INSR: variants seen among roughly 807,000 people sequenced by gnomAD.
INSR encodes insulin receptor, also known as IR.
INSR carries 67 observed loss-of-function variants against 142.6 expected under a neutral mutation model. The ratio of observed to expected loss-of-function variants is 0.47; its 90% CI spans 0.39 to 0.58. INSR has a LOEUF of 0.58. INSR is among the 20% of genes least tolerant of loss of function. The pLI, the probability that INSR is intolerant of heterozygous loss-of-function variation, is 0.00. For synonymous variants in INSR, 756 were observed against 743.1 expected (o/e 1.02, Z -0.28); for missense variants, 1,248 against 1,833.2 (o/e 0.68, Z 5.83).
chr19:7,119,471 G>A lies in INSR; in HGVS notation c.3772C>T (p.Pro1258Ser). 6.2e-7 allele frequency: 1 copy of A among 1,614,140 alleles called. No individual in the cohort carries two copies. The highest frequency in any genetic ancestry group is 8.5e-7 in the Non-Finnish European group (1 of 1,180,022). Residue 1258 changes from proline (P) to serine (S), a missense_variant, in exon 21 of 22, where the codon CCC becomes TCC. By Grantham distance (74) the Pro-to-Ser change is moderately conservative. Transcript: ENST00000302850. This position sits in a 1 kb window ranked among gnomAD's most constrained non-coding sequence, Gnocchi z 5.2. ...FVMDGGYLDQ[P>S]DNCPERVTDL... The stretch of plus-strand genomic sequence containing the variant: ...TACACTCTCTCTGGACAGTTGTCGG[G>A]TTGATCCAGATACCCTCCATCCATG...
intron 2 of INSR, among the ~76,000 whole-genome samples, chr19:7,197,565 T>G (rs1974797102): frequency 1.5e-5 from 1 of 64,528 alleles, no homozygotes; most frequent in African/African-American, 6.6e-5. Context: ...AGAGTGGGAG[T>G]GTGTGTGTTT....
intron 2 of INSR, among the ~76,000 whole-genome samples, chr19:7,194,274 G>A (rs910162288): frequency 3.3e-5 from 5 of 151,926 alleles, no homozygotes; most frequent in African/African-American, 1.2e-4. Context: ...AAAATTAGCT[G>A]GGCGTGGTGG....
Position 7,294,029 on chromosome 19 carries a change from C to A in INSR, c.-138G>T. 1.0e-6 allele frequency: 1 copy of A among 973,812 alleles called. No individual in the cohort carries two copies. Among genetic ancestry groups the A allele is most frequent in the Non-Finnish European group, 1.3e-6 (1 of 790,226 alleles). The allele number at this position is 973,812 out of a possible 1,614,324, so 60.3% of individuals were successfully genotyped here. ...CACGCCCGCGACCCGCGGGCCGCAG[C>A]CCCCCTGCCGGGGAGGGCCCAGAGG... On this transcript the variant is annotated 5_prime_UTR_variant, in exon 1 of 22. Transcript: ENST00000302850.
intron 2 of INSR, among the ~76,000 whole-genome samples, chr19:7,191,350 G>A (rs910649075): frequency 9.4e-5 from 14 of 148,816 alleles, no homozygotes; most frequent in African/African-American, 3.5e-4. Flanking sequence ...AAAGAAAGGA[G>A]GGAGGGAGGG....
intron 2 of INSR, among the ~76,000 whole-genome samples, chr19:7,257,317 C>T (rs532477756): frequency 1.3e-4 from 20 of 152,088 alleles, no homozygotes; most frequent in Admixed American, 2.6e-4. Flanking sequence ...TCTGTATGGA[C>T]GACAGTGACA....
chr19:7,249,501 G>C (rs896964451), intron 2 of INSR, among the ~76,000 whole-genome samples: 3 of 152,138 alleles, frequency 2.0e-5, no homozygotes, highest in African/African-American at 7.2e-5. Context: ...CGAATTCCCA[G>C]ATGGAACCTC....
chr19:7,172,458 G>A, intron 4 of INSR, 24 bp from the exon 5 acceptor site: 1 of 1,612,150 alleles, frequency 6.2e-7, no homozygotes, highest in Non-Finnish European at 8.5e-7. Flanking sequence ...AGAATATCCA[G>A]TGGGTTTCTA....
chr19:7,148,205 G>A (rs1193166841), intron 11 of INSR, among the ~76,000 whole-genome samples: 2 of 151,772 alleles, frequency 1.3e-5, no homozygotes, highest in African/African-American at 2.4e-5. Context: ...TCAGGCATGA[G>A]CCACAGCACC....
chr19:7,278,087 C>T (rs1330913970), intron 1 of INSR, among the ~76,000 whole-genome samples: 2 of 151,350 alleles, frequency 1.3e-5, no homozygotes, highest in Non-Finnish European at 2.9e-5. Context: ...GAGTGAGACT[C>T]GGTCTCAAAA....
chr19:7,132,111 A>G (rs762908366), intron 14 of INSR, 47 bp downstream of exon 14: 2 of 1,611,604 alleles, frequency 1.2e-6, no homozygotes, highest in East Asian at 2.2e-5. Context: ...CACCATGCTC[A>G]GTGCTAAGCA....
chr19:7,261,567 G>C (rs1231682493), intron 2 of INSR, among the ~76,000 whole-genome samples: 2 of 105,714 alleles, frequency 1.9e-5, no homozygotes, highest in African/African-American at 5.3e-5. Flanking sequence ...GTTTCACTCT[G>C]TCGGCCAGGC....
At chr19:7,207,646 G>C (rs549316154) in intron 2 of INSR, among the ~76,000 whole-genome samples, 1 of 151,662 alleles carries the variant, frequency 6.6e-6, no homozygotes, top group Non-Finnish European at 1.5e-5. Context: ...AGAATGGGCC[G>C]GGCCAGTGGC....
chr19:7,277,838 TC>T (rs942402841), intron 1 of INSR, among the ~76,000 whole-genome samples: 6 of 149,804 alleles, frequency 4.0e-5, no homozygotes, highest in Non-Finnish European at 8.9e-5. Flanking sequence ...ACGCCTGTAA[TC>T]CCAGCACTTC....
intron 9 of INSR, among the ~76,000 whole-genome samples, 154 bp from the exon 10 acceptor site, chr19:7,153,081 A>AACACACC (rs1345798581): frequency 0.03 from 1,458 of 48,784 alleles, 161 homozygotes; most frequent in East Asian, 0.12. Context: ...CACATCACAC[A>AACACACC]ACACACCACA....
At chr19:7,291,570 C>G (rs971025103) in intron 1 of INSR, among the ~76,000 whole-genome samples, 1 of 152,178 alleles carries the variant, frequency 6.6e-6, no homozygotes, top group Non-Finnish European at 1.5e-5. Flanking sequence ...ATGTGCCAGG[C>G]ATCGTTCTGG....
rs565936164 is a variant in INSR, at chr19:7,164,405, C to T, written c.1862-1206G>A. On this transcript the variant is annotated intron_variant, in intron 8 of 21. Transcript: ENST00000302850. ...AGGTTTTACAAAAATATAATTAGGCCGGGCCCAGTGGCTCATGCCTGTAAT... is the reference window on the plus strand; with the variant it reads ...AGGTTTTACAAAAATATAATTAGGCTGGGCCCAGTGGCTCATGCCTGTAAT... 3.0e-3 allele frequency among the ~76,000 whole-genome samples: 460 copies of T among 152,184 alleles called. 5 individuals carry two copies. The highest frequency in any genetic ancestry group is 0.011 in the African/African-American group (442 of 41,524).
chr19:7,152,549 C>G, intron 10 of INSR, 177 bp downstream of exon 10: 1 of 693,310 alleles, frequency 1.4e-6, no homozygotes, highest in Non-Finnish European at 2.6e-6. Flanking sequence ...ATAAAATTCC[C>G]CTCGAAATTT....
At chr19:7,226,413 GA>G (rs71177176) in intron 2 of INSR, among the ~76,000 whole-genome samples, 1,778 of 89,486 alleles carry the variant, frequency 0.02, 35 homozygotes, top group East Asian at 0.14. Context: ...CGTCTCAAGG[GA>G]AAAAAAAAAA....
rs1973933332 is a variant in INSR at position 7,168,271 on chromosome 19, T to A, written c.1484-177A>T. Among the ~76,000 whole-genome samples, 2 of 152,074 alleles carry A rather than the reference T, an allele frequency of 1.3e-5. No individual in the cohort carries two copies. The highest frequency in any genetic ancestry group is 2.1e-4 in the South Asian group (1 of 4,808). ...GTATGAATGGGGGAAGATTCAAAGG[T>A]AAGAGCCAGTTTTGCAACTTGGCCA... On this transcript the variant is annotated intron_variant, in intron 6 of 21. Transcript: ENST00000302850. This position sits in a 1 kb window ranked among gnomAD's most constrained non-coding sequence, Gnocchi z 4.3.
Sources: allele counts gnomAD v4.1 joint callset (sites outside exome capture counted in the v4.1 genomes callset), GRCh38; gene constraint gnomAD v4.1.1; non-coding constraint Gnocchi (gnomAD v3.1); transcripts MANE v1.5; gene names NCBI Gene and HGNC (gene_info 2026-07-23, HGNC 2026-07-21).